The following PTPRR variants were observed in gnomAD, a reference collection of about 807,000 sequenced individuals.
The protein encoded by PTPRR is protein tyrosine phosphatase receptor type R, also known as receptor-type tyrosine-protein phosphatase R.
In PTPRR, 38 loss-of-function variants were observed where a neutral mutation model predicts 77.2. That is an observed-to-expected ratio of 0.49 (90% CI 0.38 to 0.65). The LOEUF is 0.65. Among genes scored for constraint, PTPRR ranks in the 30% least tolerant of loss-of-function variants. PTPRR has a pLI of 0.00. For missense variants in PTPRR, 744 were observed against 799.2 expected (o/e 0.93, Z 0.83); for synonymous variants, 299 against 283.1 (o/e 1.06, Z -0.57).
chr12:70,866,394 C>T (rs1283535661), intron 2 of PTPRR, among the ~76,000 whole-genome samples: 17 of 151,676 alleles, frequency 1.1e-4, no homozygotes, highest in Admixed American at 3.3e-4. Context: ...TCAGAGAATA[C>T]TACAAACACC....
chr12:70,883,272 A>G (rs1479958664), intron 2 of PTPRR, among the ~76,000 whole-genome samples: 2 of 152,154 alleles, frequency 1.3e-5, no homozygotes, highest in African/African-American at 4.8e-5. Flanking sequence ...AAAAAACAAC[A>G]ATAAAAAAGA....
chr12:70,821,229 T>C (rs1892005271), intron 2 of PTPRR, among the ~76,000 whole-genome samples: 1 of 125,050 alleles, frequency 8.0e-6, no homozygotes, highest in Non-Finnish European at 1.7e-5. Flanking sequence ...TTTTTTTTTT[T>C]TTTTTTTTTT....
At chr12:70,704,906 CT>C (rs1888562278) in intron 6 of PTPRR, among the ~76,000 whole-genome samples, 1 of 152,006 alleles carries the variant, frequency 6.6e-6, no homozygotes, top group African/African-American at 2.4e-5. Context: ...ACTGTTTAGC[CT>C]TTTTAATGCC....
intron 2 of PTPRR, among the ~76,000 whole-genome samples, chr12:70,862,849 T>G (rs1189541047): frequency 6.6e-6 from 1 of 152,106 alleles, no homozygotes; most frequent in African/African-American, 2.4e-5. Flanking sequence ...CACCAGCCAT[T>G]CCACCTGTTT....
At chr12:70,671,703 G>A (rs1167151395) in intron 10 of PTPRR, among the ~76,000 whole-genome samples, 1 of 152,182 alleles carries the variant, frequency 6.6e-6, no homozygotes, top group Non-Finnish European at 1.5e-5. Context: ...AACAAGATAC[G>A]CTTTATTCCC....
intron 2 of PTPRR, among the ~76,000 whole-genome samples, chr12:70,814,468 T>G (rs945129142): frequency 1.3e-5 from 2 of 152,202 alleles, no homozygotes; most frequent in African/African-American, 4.8e-5. Flanking sequence ...GTTGGCTTGC[T>G]AAATTTCCCA....
chr12:70,718,137 T>G (rs1031483793), intron 6 of PTPRR, among the ~76,000 whole-genome samples: 1 of 152,224 alleles, frequency 6.6e-6, no homozygotes, highest in East Asian at 1.9e-4. Context: ...TTGATTTAAA[T>G]GTTATATTTT....
chr12:70,887,708 C>T (rs1893264399), intron 2 of PTPRR, among the ~76,000 whole-genome samples: 1 of 152,016 alleles, frequency 6.6e-6, no homozygotes, highest in Non-Finnish European at 1.5e-5. Flanking sequence ...GGCTCACTGT[C>T]CTGAGGAAGA....
chr12:70,834,880 C>T (rs1238002752), intron 2 of PTPRR, among the ~76,000 whole-genome samples: 1 of 152,094 alleles, frequency 6.6e-6, no homozygotes, highest in Non-Finnish European at 1.5e-5. Flanking sequence ...GTAGTTGATG[C>T]TCAAAGTTAC....
intron 2 of PTPRR, among the ~76,000 whole-genome samples, chr12:70,846,662 T>C (rs1344220122): frequency 1.3e-5 from 2 of 151,930 alleles, no homozygotes; most frequent in Non-Finnish European, 2.9e-5. Flanking sequence ...AAGGGGCTTG[T>C]TTGCCCCCTT....
At chr12:70,779,455 T>C (rs961416103) in intron 2 of PTPRR, among the ~76,000 whole-genome samples, 45 of 152,322 alleles carry the variant, frequency 3.0e-4, no homozygotes, top group African/African-American at 1.1e-3. Flanking sequence ...TCCTTCTGGT[T>C]GTTCAGCTCG....
At chr12:70,784,533 C>T (rs889001904) in intron 2 of PTPRR, among the ~76,000 whole-genome samples, 3 of 152,286 alleles carry the variant, frequency 2.0e-5, no homozygotes, top group South Asian at 2.1e-4. Flanking sequence ...CTCCAATGGG[C>T]GGTGCCCAGG....
In PTPRR at chr12:70,664,636, G is replaced by A. The variant is rs546867824; in HGVS notation, c.1498-2031C>T. On this transcript the variant is annotated intron_variant, in intron 10 of 13. Coordinates refer to ENST00000283228, the MANE Select transcript of PTPRR (RefSeq NM_002849.4). Reference sequence around the variant, plus strand: ...ACCCTGACTCTTAATACTTGCACAGGCTTCTGCACCTACTTGATAAATGGA... The same window carrying A: ...ACCCTGACTCTTAATACTTGCACAGACTTCTGCACCTACTTGATAAATGGA... The A allele has an allele frequency of 3.3e-5, 5 of 152,224 alleles. No individual in the cohort carries two copies. The South Asian group carries it at 8.3e-4, about 25-fold the overall frequency. 9.4% of individuals were successfully genotyped at this position (152,224 alleles called of 1,614,324 possible).
chr12:70,699,843 CT>C (rs1276674092), intron 7 of PTPRR, among the ~76,000 whole-genome samples: 1 of 152,166 alleles, frequency 6.6e-6, no homozygotes, highest in Non-Finnish European at 1.5e-5. Flanking sequence ...TATTCCTCCC[CT>C]TCTTCCTTCT....
At chr12:70,777,145 GAT>G (rs1565693160) in intron 2 of PTPRR, among the ~76,000 whole-genome samples, 1 of 151,848 alleles carries the variant, frequency 6.6e-6, no homozygotes, top group Non-Finnish European at 1.5e-5. Flanking sequence ...ATATATCTGA[GAT>G]AGAGTTCTAT....
At chr12:70,863,659 T>G (rs1892791396) in intron 2 of PTPRR, among the ~76,000 whole-genome samples, 1 of 151,908 alleles carries the variant, frequency 6.6e-6, no homozygotes, top group Admixed American at 6.6e-5. Flanking sequence ...AGTCCAAAGA[T>G]TCTAATGAAC....
rs551788800 is a variant in PTPRR at position 70,788,453 on chromosome 12, C to A, written c.358-23675G>T. On this transcript the variant is annotated intron_variant, in intron 2 of 13. Coordinates refer to ENST00000283228, the MANE Select transcript of PTPRR (RefSeq NM_002849.4). ...CTTTTCCCTGATGTCAGTGTGGGAA[C>A]CACACTAAACAAAACAAAGAAAATA... Among the ~76,000 whole-genome samples, 23 of 152,276 alleles carry A rather than the reference C, an allele frequency of 1.5e-4. No homozygotes were observed. In the South Asian group the frequency reaches 4.4e-3, roughly 29 times the overall value.
chr12:70,688,672 C>A lies in PTPRR; in HGVS notation c.1280-3889G>T, dbSNP rs189600235. Among the ~76,000 whole-genome samples, 36 of 152,284 alleles carry A rather than the reference C, an allele frequency of 2.4e-4. No individual in the cohort carries two copies. The East Asian group carries it at 6.2e-3, about 26-fold the overall frequency. ...ATGAATGAACTACCATATGATCCAGCAATTCCACTTCTGAGTATATATCCA... is the reference window on the plus strand; with the variant it reads ...ATGAATGAACTACCATATGATCCAGAAATTCCACTTCTGAGTATATATCCA... On this transcript the variant is annotated intron_variant, in intron 8 of 13. Transcript: ENST00000283228.
chr12:70,775,907 C>A (rs1039923055), intron 2 of PTPRR, among the ~76,000 whole-genome samples: 1 of 152,124 alleles, frequency 6.6e-6, no homozygotes, highest in Non-Finnish European at 1.5e-5. Context: ...GAGTAGAGAA[C>A]GCTGACCTGT....
Sources: allele counts gnomAD v4.1 joint callset (sites outside exome capture counted in the v4.1 genomes callset), GRCh38; gene constraint gnomAD v4.1.1; transcripts MANE v1.5; gene names NCBI Gene and HGNC (gene_info 2026-07-23, HGNC 2026-07-21).